The following LRRC49 variants were observed in gnomAD, a reference collection of about 807,000 sequenced individuals.
LRRC49 encodes leucine rich repeat containing 49.
Under a neutral mutation model 83.3 loss-of-function variants are expected in LRRC49, and 50 were observed. The observed-to-expected ratio is 0.60, with a 90% CI of 0.48 to 0.76. The LOEUF is 0.76. Among genes scored for constraint, LRRC49 ranks in the 30% least tolerant of loss-of-function variants. The probability of loss-of-function intolerance (pLI) is 0.00; values close to 1 mark genes in which losing one functional copy is unlikely to be tolerated. For missense variants in LRRC49, 704 were observed against 809.1 expected (o/e 0.87, Z 1.58); for synonymous variants, 286 against 283.3 (o/e 1.01, Z -0.10).
intron 11 of LRRC49, among the ~76,000 whole-genome samples, chr15:70,986,030 T>C (rs1336321488): frequency 4.6e-5 from 7 of 151,876 alleles, no homozygotes; most frequent in Admixed American, 3.3e-4. Context: ...TTGGTTATTG[T>C]AGCCTTCCTT....
At chr15:70,894,567 C>T in intron 2 of LRRC49, 1 of 1,184,724 alleles carries the variant, frequency 8.4e-7, no homozygotes, top group Non-Finnish European at 1.1e-6. Flanking sequence ...TCTGTCTCAC[C>T]TCAGCATTTA....
intron 1 of LRRC49, among the ~76,000 whole-genome samples, chr15:70,863,695 G>T (rs2032846364): frequency 6.6e-6 from 1 of 152,244 alleles, no homozygotes; most frequent in Admixed American, 6.5e-5. Context: ...GGACAGAGTA[G>T]CGTCTGATAT....
chr15:70,980,183 A>G lies in LRRC49; in HGVS notation c.1004A>G (p.Lys335Arg). 1 of 1,609,976 alleles carries G rather than the reference A, an allele frequency of 6.2e-7. No homozygotes were observed. Among genetic ancestry groups the G allele is most frequent in the Non-Finnish European group, 8.5e-7 (1 of 1,177,580 alleles). The change falls in exon 10 of 16, where the codon AAG becomes AGG. Residue 335 changes from lysine to arginine, a missense_variant and splice_region_variant. By Grantham distance (26) the Lys-to-Arg change is conservative (BLOSUM62 2). Around this residue, in one of 3 missense-constraint regions of LRRC49, gnomAD observed 168 missense variants for 140.6 expected, o/e 1.20. Coordinates refer to ENST00000260382, the MANE Select transcript of LRRC49 (RefSeq NM_017691.5). ...KRESHKQSLL[K>R]EKKRLTINNV... ...GAAAGTCATAAACAATCTTTGCTTA[A>G]GGTATTTTCTCTGATGTCTACATGG...
At chr15:71,010,029 A>T in intron 13 of LRRC49, 37 bp downstream of exon 13, 1 of 1,271,234 alleles carries the variant, frequency 7.9e-7, no homozygotes, top group Non-Finnish European at 1.1e-6. Context: ...GAATAAAAAT[A>T]TTCCTTCTTA....
At chr15:70,984,287 G>A (rs1186971566) in intron 11 of LRRC49, 30 bp downstream of exon 11, 4 of 1,531,284 alleles carry the variant, frequency 2.6e-6, no homozygotes, top group Non-Finnish European at 3.5e-6. Context: ...CAAGATACAA[G>A]CATCTTTGAT....
At chr15:70,892,586 GTTAT>G, upstream of LRRC49, 1 of 1,474,068 alleles carries the variant, frequency 6.8e-7, no homozygotes, top group Non-Finnish European at 9.0e-7. Context: ...AGTGGTGGTG[GTTAT>G]AGCAACCAGT....
intron 11 of LRRC49, among the ~76,000 whole-genome samples, chr15:70,994,067 G>A (rs1333371736): frequency 1.3e-5 from 2 of 152,046 alleles, no homozygotes; most frequent in East Asian, 1.9e-4. Flanking sequence ...GGCTGGTCTC[G>A]AACTCCTGAT....
At chr15:71,027,722 C>T (rs533133274) in intron 14 of LRRC49, among the ~76,000 whole-genome samples, 2 of 152,258 alleles carry the variant, frequency 1.3e-5, no homozygotes, top group South Asian at 4.1e-4. Context: ...TGGTAGTTCA[C>T]TCATGATTTG....
intron 14 of LRRC49, among the ~76,000 whole-genome samples, chr15:71,025,827 A>G (rs2039151428): frequency 6.6e-6 from 1 of 152,166 alleles, no homozygotes; most frequent in South Asian, 2.1e-4. Context: ...AGAGCTAACT[A>G]TCCTAAGTAT....
chr15:70,859,788 C>T, intron 1 of LRRC49: 1 of 746,200 alleles, frequency 1.3e-6, no homozygotes, highest in Non-Finnish European at 2.5e-6. Context: ...CTGGAGGCCT[C>T]TCTGCAATGG....
upstream of LRRC49, among the ~76,000 whole-genome samples, chr15:70,891,069 G>T (rs2033545902): frequency 6.6e-6 from 1 of 152,166 alleles, no homozygotes; most frequent in South Asian, 2.1e-4. Context: ...AAGGATTACA[G>T]ACCCCTGAGG....
At chr15:71,013,217 G>A (rs1456027085) in intron 14 of LRRC49, among the ~76,000 whole-genome samples, 1 of 152,086 alleles carries the variant, frequency 6.6e-6, no homozygotes, top group Non-Finnish European at 1.5e-5. Context: ...CTTCACAAAG[G>A]AGAAAACATT....
At chr15:70,884,917 ATGTG>A (rs1309889637) in intron 2 of LRRC49, among the ~76,000 whole-genome samples, 1 of 152,152 alleles carries the variant, frequency 6.6e-6, no homozygotes, top group Non-Finnish European at 1.5e-5. Flanking sequence ...TTGTCTTTTT[ATGTG>A]TATTTTTAAA....
intron 11 of LRRC49, among the ~76,000 whole-genome samples, chr15:70,985,339 G>A (rs1264647254): frequency 1.3e-5 from 2 of 151,700 alleles, no homozygotes; most frequent in Non-Finnish European, 2.9e-5. Flanking sequence ...GTGTGAGATG[G>A]TATCTCATTG....
chr15:71,044,590 A>T (rs1196370586), intron 15 of LRRC49, among the ~76,000 whole-genome samples: 1 of 152,026 alleles, frequency 6.6e-6, no homozygotes, highest in Non-Finnish European at 1.5e-5. Flanking sequence ...AGAGTTTGAG[A>T]CCAGCCTAGG....
chr15:70,919,191 G>A lies in LRRC49; in HGVS notation c.709G>A (p.Val237Met), dbSNP rs763641412. 12 of 1,608,790 alleles carry A rather than the reference G, an allele frequency of 7.5e-6. No homozygotes were observed. The highest frequency in any genetic ancestry group is 4.5e-5 in the East Asian group (2 of 44,690). The change falls in exon 7 of 16, where the codon GTG (valine) becomes ATG (methionine). Residue 237 changes from valine (V) to methionine (M), a missense_variant and splice_region_variant. By Grantham distance (21) the Val-to-Met change is conservative (BLOSUM62 1). This residue lies in a region of LRRC49 where 261 missense variants were observed against 330.5 expected (regional missense o/e 0.79). Coordinates refer to ENST00000260382, the MANE Select transcript of LRRC49 (RefSeq NM_017691.5). ...LNLRHNQITF[V>M]RDVDNLPCLQ... ...CTTGCGACACAATCAAATCACTTTC[G>A]TGGTGAGTATTAAAATGGAGTTGAT...
intron 1 of LRRC49, among the ~76,000 whole-genome samples, chr15:70,868,918 A>G (rs1473317911): frequency 1.3e-5 from 2 of 152,258 alleles, no homozygotes; most frequent in East Asian, 1.9e-4. Context: ...ATTTGTAGGC[A>G]TTGATCCCAC....
intron 13 of LRRC49, among the ~76,000 whole-genome samples, chr15:71,011,132 C>T (rs2038637748): frequency 1.3e-5 from 2 of 152,080 alleles, no homozygotes; most frequent in African/African-American, 4.8e-5. Flanking sequence ...CCAGCTAGTT[C>T]TCAAGAGGGT....
chr15:70,990,282 T>C (rs1038093718), intron 11 of LRRC49, among the ~76,000 whole-genome samples: 1 of 152,194 alleles, frequency 6.6e-6, no homozygotes, highest in Non-Finnish European at 1.5e-5. Context: ...TGTGGTGGGC[T>C]CCACTCAGTT....
Sources: gnomAD v4.1 joint callset for allele counts (sites outside exome capture counted in the v4.1 genomes callset) on GRCh38, gnomAD v4.1.1 for gene constraint, gnomAD v4.1.1 regional missense constraint, MANE v1.5 for transcripts, NCBI Gene and HGNC (gene_info 2026-07-23, HGNC 2026-07-21) for gene names.